TLK1: variants seen among roughly 807,000 people sequenced by gnomAD.
TLK1 encodes the protein serine/threonine-protein kinase tousled-like 1.
Under a neutral mutation model 105.3 loss-of-function variants are expected in TLK1, and 24 were observed. The observed-to-expected ratio is 0.23, with a 90% confidence interval of 0.17 to 0.32. The LOEUF (loss-of-function observed/expected upper bound fraction) is 0.32. Ranked by LOEUF, TLK1 falls within the 10% of genes least tolerant of loss-of-function variation. The pLI is 1.00. For synonymous variants in TLK1, 321 were observed against 310.4 expected (o/e 1.03, Z -0.36); for missense variants, 558 against 910.5 (o/e 0.61, Z 4.98).
chr2:171,191,886 A>G (rs890408696), intron 1 of TLK1, among the ~76,000 whole-genome samples: 3 of 152,038 alleles, frequency 2.0e-5, no homozygotes, highest in Non-Finnish European at 2.9e-5. Flanking sequence ...AGATGCTACT[A>G]TGCATCTCCT....
rs1337121360 is a variant in TLK1, at chr2:170,991,844, T to C, written c.*1936A>G. 2 of 152,160 alleles carry C rather than the reference T, an allele frequency of 1.3e-5. No homozygotes were observed. Among genetic ancestry groups the C allele is most frequent in the Non-Finnish European group, 2.9e-5 (2 of 68,008 alleles). The allele number at this position is 152,160 out of a possible 1,614,324, so 9.4% of individuals were successfully genotyped here. A position where few individuals can be genotyped will look rare whatever the true frequency, so the allele number is the denominator to read the frequency against. On this transcript the variant is annotated 3_prime_UTR_variant, in exon 21 of 21. Coordinates refer to ENST00000431350, the MANE Select transcript of TLK1 (RefSeq NM_012290.5). Reference sequence around the variant, plus strand: ...AAACTCTAACAACAAAACTGAAAACTTGCAGGCAGCACGTAAAGCACTCAA... The same window carrying C: ...AAACTCTAACAACAAAACTGAAAACCTGCAGGCAGCACGTAAAGCACTCAA...
At chr2:171,230,514 C>G (rs368555724) in intron 1 of TLK1, among the ~76,000 whole-genome samples, 3 of 152,268 alleles carry the variant, frequency 2.0e-5, no homozygotes, top group East Asian at 3.9e-4. Flanking sequence ...CCCCCTGTCC[C>G]GACACCACCC....
intron 1 of TLK1, among the ~76,000 whole-genome samples, chr2:171,132,933 C>A (rs190927260): frequency 2.0e-5 from 3 of 152,266 alleles, no homozygotes; most frequent in East Asian, 3.9e-4. Context: ...GCAACGATTT[C>A]TTTATTTGTA....
At chr2:171,067,437 A>C (rs1688053797) in intron 3 of TLK1, among the ~76,000 whole-genome samples, 2 of 152,142 alleles carry the variant, frequency 1.3e-5, no homozygotes, top group African/African-American at 4.8e-5. Flanking sequence ...CTGGGACTAC[A>C]GGCATGAGCC....
intron 1 of TLK1, among the ~76,000 whole-genome samples, chr2:171,196,533 A>G (rs575792873): frequency 6.6e-6 from 1 of 152,328 alleles, no homozygotes; most frequent in Admixed American, 6.5e-5. Context: ...TTCTCAAAAA[A>G]TTGACATGGT....
At chr2:171,153,011 G>A (rs1325141312) in intron 1 of TLK1, among the ~76,000 whole-genome samples, 2 of 151,294 alleles carry the variant, frequency 1.3e-5, no homozygotes, top group African/African-American at 2.5e-5. Flanking sequence ...ATCTTCACAC[G>A]TGTATAAAAA....
intron 2 of TLK1, among the ~76,000 whole-genome samples, chr2:171,088,347 A>C (rs1689073451): frequency 6.6e-6 from 1 of 152,120 alleles, no homozygotes; most frequent in African/African-American, 2.4e-5. Flanking sequence ...CCAAAAAACA[A>C]AACCCATCCA....
intron 3 of TLK1, among the ~76,000 whole-genome samples, chr2:171,063,406 A>G (rs906042172): frequency 6.6e-6 from 1 of 152,170 alleles, no homozygotes; most frequent in Non-Finnish European, 1.5e-5. Flanking sequence ...TAATTTATTC[A>G]TATCCTTCCT....
chr2:171,117,691 A>T (rs1411734395), intron 2 of TLK1, 48 bp downstream of exon 2: 7 of 1,446,192 alleles, frequency 4.8e-6, no homozygotes, highest in Non-Finnish European at 6.8e-6. Flanking sequence ...ATTTTAGATC[A>T]TTTAATAGAA....
chr2:171,029,410 A>T (rs957560816), intron 11 of TLK1, among the ~76,000 whole-genome samples: 2 of 152,196 alleles, frequency 1.3e-5, no homozygotes, highest in African/African-American at 4.8e-5. Context: ...CAGGTGGATC[A>T]CTGGAGCCCA....
At chr2:171,135,848 A>G (rs926124894) in intron 1 of TLK1, among the ~76,000 whole-genome samples, 8 of 152,172 alleles carry the variant, frequency 5.3e-5, no homozygotes, top group African/African-American at 1.4e-4. Context: ...AAAAAATACA[A>G]TAAGATATCA....
chr2:171,191,407 C>T lies in TLK1; in HGVS notation c.-6+39738G>A, dbSNP rs145349169. Among the ~76,000 whole-genome samples the T allele has an allele frequency of 2.8e-3, 421 of 152,020 alleles. 2 individuals are homozygous for T. Among genetic ancestry groups the T allele is most frequent in the African/African-American group, 9.4e-3 (389 of 41,420 alleles). On this transcript the variant is annotated intron_variant, in intron 1 of 20. Coordinates refer to the TLK1 transcript ENST00000521943. ...AACATGGTGAGACCCACCACCCCCC[C>T]CTCTAAAAAAATGAAAATAAAGTTA...
rs1039427303 is a variant in TLK1, at chr2:171,184,552, G to T, written c.-6+46593C>A. ...AGCTACTAGGGAGGCTGAGGCAGGA[G>T]AATCACTTGAGCCTGGGAGTTGGAG... On this transcript the variant is annotated intron_variant, in intron 1 of 20. Coordinates refer to the TLK1 transcript ENST00000521943. Among the ~76,000 whole-genome samples, 3 of 149,206 alleles carry T rather than the reference G, an allele frequency of 2.0e-5. No individual in the cohort carries two copies. In the Admixed American group the frequency reaches 2.0e-4, roughly 10 times the overall value.
intron 1 of TLK1, among the ~76,000 whole-genome samples, chr2:171,201,898 CATCTATCTATCTATCTATCT>C (rs3081728): frequency 5.7e-4 from 84 of 148,294 alleles, no homozygotes; most frequent in African/African-American, 1.8e-3. Context: ...TATCAGCTAT[CATCTATCTATCTATCTATCT>C]ATCTATCTAT....
intron 1 of TLK1, among the ~76,000 whole-genome samples, chr2:171,195,331 G>A (rs1693248291): frequency 6.6e-6 from 1 of 151,710 alleles, no homozygotes; most frequent in Non-Finnish European, 1.5e-5. Context: ...GTGAAACCCC[G>A]TCTCTACTAA....
intron 2 of TLK1, among the ~76,000 whole-genome samples, chr2:171,111,942 T>C (rs1286489844): frequency 7.6e-6 from 1 of 131,722 alleles, no homozygotes; most frequent in African/African-American, 3.3e-5. Flanking sequence ...CAATAAATGG[T>C]AGGGTTTTTT....
intron 6 of TLK1, among the ~76,000 whole-genome samples, chr2:171,055,765 G>A (rs1243545251): frequency 6.6e-6 from 1 of 151,848 alleles, no homozygotes. Context: ...ACAAAACCAA[G>A]TATGTCTAAA....
chr2:171,158,074 A>G (rs891621851), intron 1 of TLK1, among the ~76,000 whole-genome samples: 1 of 152,252 alleles, frequency 6.6e-6, no homozygotes, highest in Non-Finnish European at 1.5e-5. Flanking sequence ...ATTTCGCTCA[A>G]TAGAAATCAT....
At chr2:171,065,560 C>A (rs1008423658) in intron 3 of TLK1, among the ~76,000 whole-genome samples, 1 of 147,216 alleles carries the variant, frequency 6.8e-6, no homozygotes, top group Non-Finnish European at 1.5e-5. Context: ...TTTTTTGAGA[C>A]GGAGTCTCGC....
Sources: allele counts gnomAD v4.1 joint callset (sites outside exome capture counted in the v4.1 genomes callset), GRCh38; gene constraint gnomAD v4.1.1; transcripts MANE v1.5; gene names NCBI Gene and HGNC (gene_info 2026-07-23, HGNC 2026-07-21).